TDRD9: variants seen among roughly 807,000 people sequenced by gnomAD.
TDRD9 encodes tudor domain containing 9.
In TDRD9, 124 loss-of-function variants were observed where a neutral mutation model predicts 172.6. That is an observed-to-expected ratio of 0.72 (90% CI 0.62 to 0.83). The LOEUF is 0.83. Among genes scored for constraint, TDRD9 ranks in the 40% least tolerant of loss-of-function variants. TDRD9 has a pLI of 0.00. For missense variants in TDRD9, 1,479 were observed against 1,714.1 expected (o/e 0.86, Z 2.42); for synonymous variants, 619 against 617.1 (o/e 1.00, Z -0.05).
Position 104,031,226 on chromosome 14 carries a change from G to A in TDRD9, c.3401G>A (p.Ser1134Asn), listed in dbSNP as rs1323594446. The A allele has an allele frequency of 1.3e-6, 2 of 1,551,756 alleles. No individual in the cohort carries two copies. The highest frequency in any genetic ancestry group is 1.7e-6 in the Non-Finnish European group (2 of 1,146,980). ...EKYLIRILLE[S>N]FSTNKLGTPN... Reference sequence around the variant, plus strand: ...TATCTCATCCGGATTTTGTTAGAGAGCTTTTCTACCAATAAACTGGGTACT... The same window carrying A: ...TATCTCATCCGGATTTTGTTAGAGAACTTTTCTACCAATAAACTGGGTACT... The change falls in exon 29 of 36, where the codon AGC (serine) becomes AAC (asparagine). Residue 1134 changes from serine (S) to asparagine (N), a missense_variant. Physicochemically the swap from Ser to Asn is conservative, Grantham distance 46. This residue lies in a region of TDRD9 where 1,413 missense variants were observed against 1,649.1 expected (regional missense o/e 0.86). Transcript: ENST00000409874.
intron 2 of TDRD9, among the ~76,000 whole-genome samples, chr14:103,958,827 T>A (rs892054308): frequency 6.6e-6 from 1 of 152,106 alleles, no homozygotes; most frequent in Non-Finnish European, 1.5e-5. Flanking sequence ...CCACTAAGTT[T>A]GAGGTAAAAT....
At chr14:104,042,902 G>C (rs2035651546) in intron 34 of TDRD9, among the ~76,000 whole-genome samples, 1 of 152,124 alleles carries the variant, frequency 6.6e-6, no homozygotes, top group African/African-American at 2.4e-5. Context: ...TGCCTTTTGG[G>C]TTGGTTTCTT....
At chr14:103,992,209 G>T (rs1566765679) in intron 9 of TDRD9, among the ~76,000 whole-genome samples, 1 of 152,102 alleles carries the variant, frequency 6.6e-6, no homozygotes. Context: ...AAAATTACTT[G>T]ATGTTTAATT....
At chr14:103,939,764 T>TTTTA (rs61621268) in intron 1 of TDRD9, 2 of 133,076 alleles carry the variant, frequency 1.5e-5, no homozygotes, top group Non-Finnish European at 3.2e-5. Flanking sequence ...TTTTTTTTTT[T>TTTTA]GAGACAAGGT....
chr14:104,026,656 G>A, intron 27 of TDRD9, 23 bp from the exon 28 acceptor site: 8 of 1,610,694 alleles, frequency 5.0e-6, no homozygotes, highest in Non-Finnish European at 5.9e-6. Flanking sequence ...AGCTGTTTGA[G>A]CTGTGCCCTT....
chr14:104,003,751 G>A (rs910881164), intron 13 of TDRD9, among the ~76,000 whole-genome samples: 6 of 152,142 alleles, frequency 3.9e-5, no homozygotes, highest in African/African-American at 9.7e-5. Flanking sequence ...ACTCGGTCAC[G>A]TAATGCGGTG....
chr14:104,031,468 G>GTTTTTT (rs55696833), intron 29 of TDRD9, among the ~76,000 whole-genome samples: 1 of 105,104 alleles, frequency 9.5e-6, no homozygotes, highest in Non-Finnish European at 1.9e-5. Context: ...GCTTTGACTA[G>GTTTTTT]TTTTTTTTTT....
intron 20 of TDRD9, among the ~76,000 whole-genome samples, chr14:104,010,770 G>A (rs2034589840): frequency 6.6e-6 from 1 of 152,106 alleles, no homozygotes; most frequent in Non-Finnish European, 1.5e-5. Flanking sequence ...CAAAATTCAC[G>A]AATACTCAAG....
chr14:103,983,553 A>G (rs1451791793), intron 7 of TDRD9, among the ~76,000 whole-genome samples: 7 of 152,196 alleles, frequency 4.6e-5, no homozygotes, highest in Non-Finnish European at 1.0e-4. Flanking sequence ...TAATTAAAAA[A>G]GCTTCTTACT....
At chr14:104,011,368 G>T (rs1007368663) in intron 20 of TDRD9, among the ~76,000 whole-genome samples, 1 of 152,158 alleles carries the variant, frequency 6.6e-6, no homozygotes, top group African/African-American at 2.4e-5. Flanking sequence ...GCACATGCAT[G>T]CACAATACTA....
intron 20 of TDRD9, 41 bp downstream of exon 20, chr14:104,008,507 G>A: frequency 8.0e-7 from 1 of 1,249,082 alleles, no homozygotes; most frequent in East Asian, 2.3e-5. Flanking sequence ...AAATAAAGTT[G>A]ACTTATGAAA....
intron 5 of TDRD9, among the ~76,000 whole-genome samples, chr14:103,967,614 G>A (rs758363465): frequency 1.2e-4 from 19 of 152,256 alleles, no homozygotes; most frequent in Non-Finnish European, 2.1e-4. Flanking sequence ...ATGGGATAAC[G>A]AATAATACAA....
chr14:103,933,964 C>G (rs1450927568), intron 1 of TDRD9, among the ~76,000 whole-genome samples: 1 of 152,144 alleles, frequency 6.6e-6, no homozygotes, highest in Non-Finnish European at 1.5e-5. Context: ...TCAGGCCTCA[C>G]ATAGATGTTA....
At chr14:103,957,609 A>G (rs1281612112) in intron 2 of TDRD9, among the ~76,000 whole-genome samples, 1 of 152,238 alleles carries the variant, frequency 6.6e-6, no homozygotes. Context: ...TCTTTTGTAC[A>G]AAGGAAGAGT....
chr14:103,990,221 C>G (rs902439899), intron 8 of TDRD9, among the ~76,000 whole-genome samples: 2 of 152,216 alleles, frequency 1.3e-5, no homozygotes, highest in Non-Finnish European at 2.9e-5. Flanking sequence ...CAAACCAAGG[C>G]TGTGTTTTTC....
chr14:104,018,294 C>A, intron 23 of TDRD9, 102 bp downstream of exon 23: 1 of 722,818 alleles, frequency 1.4e-6, no homozygotes, highest in Non-Finnish European at 2.3e-6. Context: ...GGAAATGGGT[C>A]CTCCTATGGG....
intron 7 of TDRD9, among the ~76,000 whole-genome samples, chr14:103,983,564 C>G (rs912226208): frequency 5.3e-5 from 8 of 152,106 alleles, no homozygotes; most frequent in African/African-American, 1.9e-4. Flanking sequence ...GCTTCTTACT[C>G]TGGGTGAAAA....
In TDRD9 at chr14:104,044,801, A is replaced by G. The variant is rs79666705; in HGVS notation, c.3974+2614A>G. ...GTATTTTTCTCTCGGGAAGATATCT[A>G]TGAGTGGAGTTGGTAGGTTGTATTG... On this transcript the variant is annotated intron_variant, in intron 34 of 35. Transcript: ENST00000409874. Among the ~76,000 whole-genome samples the G allele has an allele frequency of 2.9e-3, 446 of 152,056 alleles. 3 individuals are homozygous for G. The highest frequency in any genetic ancestry group is 4.5e-3 in the Non-Finnish European group (308 of 68,026).
intron 1 of TDRD9, among the ~76,000 whole-genome samples, chr14:103,952,059 T>C (rs1342666537): frequency 6.6e-6 from 1 of 150,464 alleles, no homozygotes; most frequent in East Asian, 2.0e-4. Context: ...TGAGCCACCA[T>C]GCCCAGCCAT....
Sources: allele counts gnomAD v4.1 joint callset (sites outside exome capture counted in the v4.1 genomes callset), GRCh38; gene constraint gnomAD v4.1.1; regional missense constraint gnomAD v4.1.1; transcripts MANE v1.5; gene names NCBI Gene and HGNC (gene_info 2026-07-23, HGNC 2026-07-21).